RBFOX1: variants seen among roughly 807,000 people sequenced by gnomAD.
RBFOX1 encodes the protein RNA binding fox-1 homolog 1, also known as RNA binding protein fox-1 homolog 1.
In RBFOX1, 8 loss-of-function variants were observed where a neutral mutation model predicts 57.7. The ratio of observed to expected loss-of-function variants is 0.14; its 90% CI spans 0.08 to 0.25. The LOEUF (loss-of-function observed/expected upper bound fraction) is 0.25. Among genes scored for constraint, RBFOX1 ranks in the 10% least tolerant of loss-of-function variants. RBFOX1 has a pLI of 1.00. For missense variants in RBFOX1, 611 were observed against 548.5 expected (o/e 1.11, Z -1.14); for synonymous variants, 326 against 222.4 (o/e 1.47, Z -4.15).
At chr16:6,525,132 C>T (rs1372129552) in intron 2 of RBFOX1, among the ~76,000 whole-genome samples, 1 of 152,112 alleles carries the variant, frequency 6.6e-6, no homozygotes, top group African/African-American at 2.4e-5. Context: ...TTTGGTCAAC[C>T]TGTATTTATT....
chr16:5,948,356 C>T (rs567814041), intron 4 of RBFOX1, among the ~76,000 whole-genome samples: 51 of 152,312 alleles, frequency 3.3e-4, no homozygotes, highest in Admixed American at 1.2e-3. Context: ...TCTTCTCCTC[C>T]GTGGCTGTGG....
chr16:5,833,494 C>CAAAAAAAA (rs1183168830), intron 3 of RBFOX1, among the ~76,000 whole-genome samples: 1 of 59,568 alleles, frequency 1.7e-5, no homozygotes. Flanking sequence ...GACTCTATCT[C>CAAAAAAAA]AAAAAAAAAA....
Position 5,607,386 on chromosome 16 carries a change from C to A in RBFOX1, c.318+8425C>A, listed in dbSNP as rs547093677. On this transcript the variant is annotated intron_variant, in intron 3 of 19. Coordinates refer to the RBFOX1 transcript ENST00000641259. ...ACGAAATGCTAAGTGGCACTCTTGACCTCAGGCACAGATAGCGCAGGGTCT... is the reference window on the plus strand; with the variant it reads ...ACGAAATGCTAAGTGGCACTCTTGAACTCAGGCACAGATAGCGCAGGGTCT... 5.4e-5 allele frequency among the ~76,000 whole-genome samples: 8 copies of A among 148,840 alleles called. No individual in the cohort carries two copies. The East Asian group carries it at 9.7e-4, about 18-fold the overall frequency.
intron 3 of RBFOX1, among the ~76,000 whole-genome samples, chr16:6,669,666 G>A (rs1296477702): frequency 6.6e-6 from 1 of 152,106 alleles, no homozygotes; most frequent in African/African-American, 2.4e-5. Flanking sequence ...GTGTTTGAGT[G>A]TGGTGAGAAC....
intron 2 of RBFOX1, among the ~76,000 whole-genome samples, chr16:6,356,644 G>T (rs1275522969): frequency 2.0e-5 from 3 of 152,152 alleles, no homozygotes; most frequent in African/African-American, 7.2e-5. Flanking sequence ...CTGCAGCCAA[G>T]AGAAGCGTAG....
At chr16:6,448,156 C>CTTTCTTTTTTTTTTTTTTTTTT (rs2094523593) in intron 2 of RBFOX1, among the ~76,000 whole-genome samples, 4 of 78,460 alleles carry the variant, frequency 5.1e-5, no homozygotes, top group African/African-American at 2.2e-4. Context: ...TCTTTTCTTT[C>CTTTCTTTTTTTTTTTTTTTTTT]TTTTTTTTTT....
chr16:6,017,109 A>AAT (rs570638643), upstream of RBFOX1, among the ~76,000 whole-genome samples: 154 of 152,268 alleles, frequency 1.0e-3, no homozygotes, highest in African/African-American at 3.5e-3. Context: ...TCCAATGGTA[A>AAT]ATATATATAT....
At chr16:6,665,047 A>G (rs1413579759) in intron 3 of RBFOX1, among the ~76,000 whole-genome samples, 5 of 152,242 alleles carry the variant, frequency 3.3e-5, no homozygotes, top group African/African-American at 1.2e-4. Flanking sequence ...AAGGAGAAAA[A>G]TAAGTGACAG....
chr16:6,976,345 T>C (rs1598884156), intron 3 of RBFOX1, among the ~76,000 whole-genome samples: 1 of 152,262 alleles, frequency 6.6e-6, no homozygotes, highest in South Asian at 2.1e-4. Context: ...TCTATCCTTG[T>C]TCTAGCATTC....
rs532218752 is a variant in RBFOX1, at chr16:7,187,558, G to A, written c.27+135460G>A. ...CAAAAAATTAGCCAGGCGTGGTGGC[G>A]GGCGCCTGTAGTCCCACCTACTCGG... is the stretch of plus-strand genomic sequence containing the variant. On this transcript the variant is annotated intron_variant, in intron 4 of 15. Coordinates refer to ENST00000550418, the MANE Select transcript of RBFOX1 (RefSeq NM_018723.4). Among the ~76,000 whole-genome samples, 286 of 151,138 alleles carry A rather than the reference G, an allele frequency of 1.9e-3. 1 individual carries two copies. Among genetic ancestry groups the A allele is most frequent in the Middle Eastern group, 3.4e-3 (1 of 292 alleles).
At chr16:6,155,182 C>A (rs1417745031) in intron 1 of RBFOX1, among the ~76,000 whole-genome samples, 1 of 152,162 alleles carries the variant, frequency 6.6e-6, no homozygotes, top group Non-Finnish European at 1.5e-5. Flanking sequence ...GGAGTGAGTC[C>A]TTCCCATTGA....
At chr16:6,146,403 A>G (rs1203506238) in intron 1 of RBFOX1, among the ~76,000 whole-genome samples, 2 of 152,130 alleles carry the variant, frequency 1.3e-5, no homozygotes, top group African/African-American at 2.4e-5. Flanking sequence ...CCTCAACACT[A>G]TTGACATTTG....
At chr16:5,981,757 C>T (rs900075014) in intron 4 of RBFOX1, among the ~76,000 whole-genome samples, 1 of 152,194 alleles carries the variant, frequency 6.6e-6, no homozygotes. Flanking sequence ...GTGTGAGCCG[C>T]TGTGCCCGGC....
chr16:7,658,151 T>A (rs1311610859), intron 12 of RBFOX1, among the ~76,000 whole-genome samples: 1 of 152,166 alleles, frequency 6.6e-6, no homozygotes, highest in Non-Finnish European at 1.5e-5. Flanking sequence ...GTTCTCCAGG[T>A]TGATGAACTT....
chr16:7,080,581 A>C (rs892669402), intron 4 of RBFOX1, among the ~76,000 whole-genome samples: 9 of 152,090 alleles, frequency 5.9e-5, no homozygotes, highest in African/African-American at 2.2e-4. Flanking sequence ...ATTCCTCAGC[A>C]ATTTGCTCTC....
chr16:7,301,350 C>G (rs987825132), intron 4 of RBFOX1, among the ~76,000 whole-genome samples: 1 of 152,180 alleles, frequency 6.6e-6, no homozygotes, highest in African/African-American at 2.4e-5. Flanking sequence ...GTTTAGTTAT[C>G]CAGAGAGCAG....
chr16:6,593,506 C>G (rs1205219757), intron 2 of RBFOX1, among the ~76,000 whole-genome samples: 8 of 152,244 alleles, frequency 5.3e-5, no homozygotes, highest in South Asian at 4.2e-4. Flanking sequence ...AGAATTGAGC[C>G]TCAGGCTGAC....
At chr16:7,214,519 C>T (rs1047123363) in intron 4 of RBFOX1, among the ~76,000 whole-genome samples, 8 of 151,956 alleles carry the variant, frequency 5.3e-5, no homozygotes, top group African/African-American at 1.2e-4. Flanking sequence ...AAACCTCATC[C>T]GTCTCTCAGA....
intron 2 of RBFOX1, among the ~76,000 whole-genome samples, chr16:6,543,403 G>T (rs182919540): frequency 6.6e-6 from 1 of 152,162 alleles, no homozygotes; most frequent in East Asian, 1.9e-4. Flanking sequence ...GAGACTCTGC[G>T]CACCTTTATT....
Sources: allele counts gnomAD v4.1 joint callset (sites outside exome capture counted in the v4.1 genomes callset), GRCh38; gene constraint gnomAD v4.1.1; transcripts MANE v1.5; gene names NCBI Gene and HGNC (gene_info 2026-07-23, HGNC 2026-07-21).